Variants in YPEL1 observed in about 807,000 individuals in gnomAD.
The protein encoded by YPEL1 is yippee like 1.
Under a neutral mutation model 17.3 loss-of-function variants are expected in YPEL1, and 7 were observed. The observed-to-expected ratio is 0.40, with a 90% CI of 0.23 to 0.76. The LOEUF is 0.76. Among genes scored for constraint, YPEL1 ranks in the 30% least tolerant of loss-of-function variants. The probability of loss-of-function intolerance (pLI) is 0.35; values close to 1 mark genes in which losing one functional copy is unlikely to be tolerated. For synonymous variants in YPEL1, 59 were observed against 59.6 expected (o/e 0.99, Z 0.05); for missense variants, 91 against 155.5 (o/e 0.59, Z 2.21).
chr22:21,701,900 C>A (rs964956987), intron 4 of YPEL1, among the ~76,000 whole-genome samples: 4 of 152,238 alleles, frequency 2.6e-5, no homozygotes, highest in African/African-American at 9.6e-5. Flanking sequence ...CTACAAAAAT[C>A]AAAAACTTAG....
chr22:21,723,690 A>ATTT (rs11413513), intron 1 of YPEL1, among the ~76,000 whole-genome samples: 17 of 144,802 alleles, frequency 1.2e-4, no homozygotes, highest in Admixed American at 3.5e-4. Flanking sequence ...ATTTTAATTA[A>ATTT]TTTTTTTTTT....
At chr22:21,717,311 G>C (rs1008489049) in intron 1 of YPEL1, among the ~76,000 whole-genome samples, 2 of 151,312 alleles carry the variant, frequency 1.3e-5, no homozygotes, top group Admixed American at 1.3e-4. Flanking sequence ...GGGAGGCGGA[G>C]GTTGCAGTGA....
rs766813062 is a variant in YPEL1 at position 21,700,961 on chromosome 22, C to T, written c.*168G>A. On this transcript the variant is annotated 3_prime_UTR_variant, in exon 5 of 5. Transcript: ENST00000339468. ...ACTGTGTACACGAAGAGGACAGATC[C>T]GAGGGACACCTTACCCACAGAGATG... 3.5e-6 allele frequency: 2 copies of T among 571,268 alleles called. No homozygotes were observed. The highest frequency in any genetic ancestry group is 6.3e-6 in the Non-Finnish European group (2 of 319,340). The allele number at this position is 571,268 out of a possible 1,614,324, so 35.4% of individuals were successfully genotyped here.
chr22:21,703,712 G>GGGT lies in YPEL1; in HGVS notation c.161+126_161+127insACC, dbSNP rs1555903188. The stretch of plus-strand genomic sequence containing the variant: ...TTAGCGCGTTTCAGAAACTCCCGGC[G>GGGT]GGGGGATGGTGGGTTCTTTCAGGAC... On this transcript the variant is annotated intron_variant, in intron 3 of 4. Coordinates refer to ENST00000339468, the MANE Select transcript of YPEL1 (RefSeq NM_013313.5). The surrounding 1 kb of genome is among the most constrained non-coding windows in gnomAD (Gnocchi z 6.1). 5.4e-6 allele frequency: 6 copies of GGGT among 1,108,262 alleles called. No homozygotes were observed. Among genetic ancestry groups the GGGT allele is most frequent in the Non-Finnish European group, 7.7e-6 (6 of 777,114 alleles). 68.7% of individuals were successfully genotyped at this position (1,108,262 alleles called of 1,614,324 possible).
intron 1 of YPEL1, among the ~76,000 whole-genome samples, chr22:21,725,158 C>T (rs1258486649): frequency 6.6e-6 from 1 of 151,930 alleles, no homozygotes; most frequent in African/African-American, 2.4e-5. Flanking sequence ...ACCCACCTGC[C>T]TCAGCCTCAC....
intron 1 of YPEL1, among the ~76,000 whole-genome samples, chr22:21,724,705 C>T (rs780937604): frequency 6.6e-6 from 1 of 151,352 alleles, no homozygotes; most frequent in East Asian, 2.0e-4. Flanking sequence ...CTCAGCCTCC[C>T]AAGTAGCTGG....
intron 2 of YPEL1, among the ~76,000 whole-genome samples, chr22:21,704,587 G>A (rs1444444032): frequency 2.6e-5 from 4 of 151,502 alleles, no homozygotes; most frequent in East Asian, 3.9e-4. Flanking sequence ...AACCCGGGAG[G>A]TGGAGGCTAC....
intron 1 of YPEL1, among the ~76,000 whole-genome samples, chr22:21,729,579 C>T (rs959783043): frequency 2.0e-5 from 3 of 152,024 alleles, no homozygotes; most frequent in Non-Finnish European, 2.9e-5. Flanking sequence ...CCAGGCTGGG[C>T]GACAGAGCGA....
At chr22:21,734,720 CCTGGCAG>C (rs1333573014) in intron 1 of YPEL1, among the ~76,000 whole-genome samples, 1 of 152,162 alleles carries the variant, frequency 6.6e-6, no homozygotes, top group African/African-American at 2.4e-5. Flanking sequence ...GCTCCTGGCA[CCTGGCAG>C]GGGCTCAGCA....
intron 1 of YPEL1, among the ~76,000 whole-genome samples, chr22:21,719,334 T>C (rs139356179): frequency 6.6e-6 from 1 of 152,358 alleles, no homozygotes; most frequent in East Asian, 1.9e-4. Flanking sequence ...GAACTCATGT[T>C]CAATCTCTGT....
intron 1 of YPEL1, among the ~76,000 whole-genome samples, chr22:21,719,809 T>C (rs977933919): frequency 7.2e-5 from 11 of 151,858 alleles, no homozygotes; most frequent in Non-Finnish European, 1.3e-4. Flanking sequence ...GGGTGGATCA[T>C]GAGGTCAGGA....
chr22:21,710,834 T>C lies in YPEL1; in HGVS notation c.-90A>G. 2 of 1,177,886 alleles carry C rather than the reference T, an allele frequency of 1.7e-6. No individual in the cohort carries two copies. Among genetic ancestry groups the C allele is most frequent in the Non-Finnish European group, 2.5e-6 (2 of 784,370 alleles). The allele number at this position is 1,177,886 out of a possible 1,614,324, so 73.0% of individuals were successfully genotyped here. A position where few individuals can be genotyped will look rare whatever the true frequency, so the allele number is the denominator to read the frequency against. ...CTCTGACAAAAGCAACACTGGAAAA[T>C]GCACGCAAGAGCCGTCGTTGTCCAG... On this transcript the variant is annotated 5_prime_UTR_variant, in exon 2 of 5. Coordinates refer to ENST00000339468, the MANE Select transcript of YPEL1 (RefSeq NM_013313.5).
intron 1 of YPEL1, among the ~76,000 whole-genome samples, chr22:21,722,632 A>C (rs1225362852): frequency 6.6e-6 from 1 of 151,794 alleles, no homozygotes; most frequent in Non-Finnish European, 1.5e-5. Context: ...CAAAAAAAAA[A>C]CAAAACAAGT....
In YPEL1 at chr22:21,703,313, A is replaced by G; in HGVS notation, c.270+57T>C. 5.4e-6 allele frequency: 8 copies of G among 1,475,650 alleles called. No homozygotes were observed. The South Asian group carries it at 9.1e-5, about 17-fold the overall frequency. 91.4% of individuals were successfully genotyped at this position (1,475,650 alleles called of 1,614,324 possible). On this transcript the variant is annotated intron_variant, in intron 4 of 4. Transcript: ENST00000339468. This position sits in a 1 kb window ranked among gnomAD's most constrained non-coding sequence, Gnocchi z 6.1. ...CACACTGCACGGGGAGGTGTGGCTC[A>G]GTGGCAACTTAGTGCCACATCCCCT...
At chr22:21,729,952 A>G (rs1399582386) in intron 1 of YPEL1, among the ~76,000 whole-genome samples, 1 of 152,140 alleles carries the variant, frequency 6.6e-6, no homozygotes, top group Non-Finnish European at 1.5e-5. Flanking sequence ...GATCGAGACC[A>G]GCCTGGCCAA....
intron 1 of YPEL1, among the ~76,000 whole-genome samples, chr22:21,735,088 T>C (rs1488982308): frequency 2.0e-5 from 3 of 152,150 alleles, no homozygotes; most frequent in Non-Finnish European, 4.4e-5. Flanking sequence ...GCGGACCCTG[T>C]TTAGATCTCT....
At chr22:21,711,911 C>T (rs144911642) in intron 1 of YPEL1, among the ~76,000 whole-genome samples, 12 of 152,322 alleles carry the variant, frequency 7.9e-5, no homozygotes, top group South Asian at 4.1e-4. Flanking sequence ...GCAGTGCTCA[C>T]GCCTGTGGTC....
intron 1 of YPEL1, among the ~76,000 whole-genome samples, chr22:21,727,162 G>A (rs1002890789): frequency 6.6e-6 from 1 of 152,118 alleles, no homozygotes; most frequent in African/African-American, 2.4e-5. Flanking sequence ...GATGCCTCCC[G>A]TGCGCTTCAT....
intron 4 of YPEL1, among the ~76,000 whole-genome samples, chr22:21,702,542 C>G (rs2068075835): frequency 6.6e-6 from 1 of 152,138 alleles, no homozygotes; most frequent in Admixed American, 6.5e-5. Flanking sequence ...TGGCTCACGC[C>G]TGTAATCCCA....
Sources: gnomAD v4.1 joint callset for allele counts (sites outside exome capture counted in the v4.1 genomes callset) on GRCh38, gnomAD v4.1.1 for gene constraint, Gnocchi (gnomAD v3.1) non-coding constraint, MANE v1.5 for transcripts, NCBI Gene and HGNC (gene_info 2026-07-23, HGNC 2026-07-21) for gene names.